HS6ST3: variants seen among roughly 807,000 people sequenced by gnomAD.
HS6ST3 encodes heparan sulfate 6-O-sulfotransferase 3.
A neutral mutation model predicts 36.7 loss-of-function variants in HS6ST3; 12 were observed. That is an observed-to-expected ratio of 0.33 (90% CI 0.21 to 0.53). The LOEUF is 0.53. Ranked by LOEUF, HS6ST3 falls within the 20% of genes least tolerant of loss-of-function variation. The pLI, the probability that HS6ST3 is intolerant of heterozygous loss-of-function variation, is 0.95. For missense variants in HS6ST3, 584 were observed against 640.9 expected (o/e 0.91, Z 0.96); for synonymous variants, 240 against 257.5 (o/e 0.93, Z 0.65).
intron 1 of HS6ST3, among the ~76,000 whole-genome samples, chr13:96,247,822 A>G (rs553950032): frequency 4.6e-5 from 7 of 152,072 alleles, no homozygotes; most frequent in Non-Finnish European, 8.8e-5. Context: ...CCTAATGTAC[A>G]TACTGCATAC....
At chr13:96,330,785 C>T (rs1221464932) in intron 1 of HS6ST3, among the ~76,000 whole-genome samples, 1 of 151,022 alleles carries the variant, frequency 6.6e-6, no homozygotes, top group African/African-American at 2.4e-5. Context: ...TGTTTTCCAA[C>T]TTGGTTCCAT....
Position 96,433,279 on chromosome 13 carries a change from C to G in HS6ST3, c.707+341710C>G, listed in dbSNP as rs375784336. Among the ~76,000 whole-genome samples, 85 of 151,976 alleles carry G rather than the reference C, an allele frequency of 5.6e-4. 1 individual carries two copies. The South Asian group carries it at 0.016, about 29-fold the overall frequency. On this transcript the variant is annotated intron_variant, in intron 1 of 1. Coordinates refer to ENST00000376705, the MANE Select transcript of HS6ST3 (RefSeq NM_153456.4). ...TTTGAATGAGGTCATTGGGGTGAGC[C>G]CTAATCCAAAAAAGACAGGTATCCC... is the stretch of plus-strand genomic sequence containing the variant.
intron 1 of HS6ST3, among the ~76,000 whole-genome samples, chr13:96,636,605 C>A (rs550210459): frequency 1.3e-5 from 2 of 152,214 alleles, no homozygotes; most frequent in Admixed American, 1.3e-4. Flanking sequence ...ACTCTTGGTA[C>A]TTTGTGGTGC....
intron 1 of HS6ST3, among the ~76,000 whole-genome samples, chr13:96,800,000 A>ATATATATATG (rs1555325267): frequency 1.1e-5 from 1 of 89,360 alleles, no homozygotes. Flanking sequence ...ATATATATGT[A>ATATATATATG]TATATATATA....
At chr13:96,637,010 TAAAA>T (rs923696959) in intron 1 of HS6ST3, among the ~76,000 whole-genome samples, 18 of 151,032 alleles carry the variant, frequency 1.2e-4, no homozygotes, top group African/African-American at 4.1e-4. Flanking sequence ...AATTTAAATT[TAAAA>T]AAAAAGAATA....
intron 1 of HS6ST3, among the ~76,000 whole-genome samples, chr13:96,260,042 A>G (rs2054656397): frequency 6.6e-6 from 1 of 152,168 alleles, no homozygotes; most frequent in Non-Finnish European, 1.5e-5. Flanking sequence ...AAATGAGTCA[A>G]TAATCAGAGC....
chr13:96,488,957 G>T (rs1160633150), intron 1 of HS6ST3, among the ~76,000 whole-genome samples: 1 of 151,956 alleles, frequency 6.6e-6, no homozygotes, highest in Non-Finnish European at 1.5e-5. Flanking sequence ...ACCATGGTAT[G>T]ATAGGTTTAA....
At chr13:96,383,858 G>A (rs1222507844) in intron 1 of HS6ST3, among the ~76,000 whole-genome samples, 5 of 152,194 alleles carry the variant, frequency 3.3e-5, no homozygotes, top group Admixed American at 3.3e-4. Context: ...GTCAGGATGA[G>A]GCCCAAGTTT....
chr13:96,307,873 G>A (rs542290760), intron 1 of HS6ST3, among the ~76,000 whole-genome samples: 5 of 152,212 alleles, frequency 3.3e-5, no homozygotes, highest in African/African-American at 1.2e-4. Flanking sequence ...CAAGCTGTTA[G>A]AGTGGGGGAA....
chr13:96,474,622 T>C (rs2055854855), intron 1 of HS6ST3, among the ~76,000 whole-genome samples: 1 of 152,176 alleles, frequency 6.6e-6, no homozygotes, highest in African/African-American at 2.4e-5. Flanking sequence ...ACGTTAATAA[T>C]TTGGAGTGAT....
At chr13:96,667,835 T>C (rs1566425270) in intron 1 of HS6ST3, among the ~76,000 whole-genome samples, 1 of 152,142 alleles carries the variant, frequency 6.6e-6, no homozygotes, top group Non-Finnish European at 1.5e-5. Context: ...TCCTCTAGGA[T>C]GGGGGAAAGG....
intron 1 of HS6ST3, among the ~76,000 whole-genome samples, chr13:96,301,214 A>G (rs2054880098): frequency 1.3e-5 from 2 of 152,220 alleles, no homozygotes; most frequent in South Asian, 4.1e-4. Flanking sequence ...CCTCCTATAT[A>G]CAGTTAAACA....
intron 1 of HS6ST3, among the ~76,000 whole-genome samples, chr13:96,593,462 C>T (rs886475783): frequency 1.3e-5 from 2 of 151,564 alleles, no homozygotes; most frequent in Admixed American, 1.3e-4. Context: ...TCCCAAAGTG[C>T]TGGGATTACA....
At chr13:96,826,416 A>AT (rs1878648706) in intron 1 of HS6ST3, among the ~76,000 whole-genome samples, 2 of 152,168 alleles carry the variant, frequency 1.3e-5, no homozygotes, top group African/African-American at 4.8e-5. Flanking sequence ...TTTACATAGC[A>AT]ATTTTTTTTT....
chr13:96,094,742 C>G (rs555041847), intron 1 of HS6ST3, among the ~76,000 whole-genome samples: 1 of 152,138 alleles, frequency 6.6e-6, no homozygotes, highest in Non-Finnish European at 1.5e-5. Flanking sequence ...GGCAGGACCC[C>G]GGGCTGGTGG....
In HS6ST3 at chr13:96,315,937, G is replaced by T. The variant is rs186533989; in HGVS notation, c.707+224368G>T. ...GAAAAATGAGAGTTGACACCATTGT[G>T]CAGCAAGCCAGATATACCTCAGCAC... On this transcript the variant is annotated intron_variant, in intron 1 of 1. Coordinates refer to ENST00000376705, the MANE Select transcript of HS6ST3 (RefSeq NM_153456.4). Among the ~76,000 whole-genome samples, 119 of 152,226 alleles carry T rather than the reference G, an allele frequency of 7.8e-4. 2 individuals carry two copies. In the South Asian group the frequency reaches 0.024, roughly 31 times the overall value.
At chr13:96,465,884 TTC>T (rs2055811025) in intron 1 of HS6ST3, among the ~76,000 whole-genome samples, 2 of 152,182 alleles carry the variant, frequency 1.3e-5, no homozygotes, top group South Asian at 4.1e-4. Flanking sequence ...TTTTAAAGAT[TTC>T]TTTTTGTTGT....
chr13:96,702,229 T>C (rs150032076), intron 1 of HS6ST3, among the ~76,000 whole-genome samples: 4 of 152,312 alleles, frequency 2.6e-5, no homozygotes, highest in African/African-American at 9.6e-5. Context: ...AAAGAGGATG[T>C]AGTCCACTCC....
chr13:96,264,311 G>T (rs2054680882), intron 1 of HS6ST3, among the ~76,000 whole-genome samples: 2 of 152,168 alleles, frequency 1.3e-5, no homozygotes, highest in Admixed American at 6.5e-5. Flanking sequence ...AAAGATTACA[G>T]AGGGACTGTG....
Sources: allele counts gnomAD v4.1 joint callset (sites outside exome capture counted in the v4.1 genomes callset), GRCh38; gene constraint gnomAD v4.1.1; transcripts MANE v1.5; gene names NCBI Gene and HGNC (gene_info 2026-07-23, HGNC 2026-07-21).